SCGB1D2: variants seen among roughly 807,000 people sequenced by gnomAD.
The protein encoded by SCGB1D2 is secretoglobin family 1D member 2.
SCGB1D2 carries 10 observed loss-of-function variants against 10.5 expected under a neutral mutation model. The observed-to-expected ratio is 0.95, with a 90% CI of 0.59 to 1.61. The LOEUF (loss-of-function observed/expected upper bound fraction) is 1.61. SCGB1D2 is among the 40% of genes most tolerant of loss of function. The probability of loss-of-function intolerance (pLI) is 0.00; values close to 1 mark genes in which losing one functional copy is unlikely to be tolerated. For missense variants in SCGB1D2, 113 were observed against 103.8 expected, an observed-to-expected ratio of 1.09 and a Z score of -0.38; for synonymous variants, 42 against 42.8, an observed-to-expected ratio of 0.98 and a Z score of 0.08.
At position 62,242,245 on chromosome 11, in the gene SCGB1D2, C is replaced by T. The variant is rs1182976172; in HGVS notation, c.-63C>T. The T allele has an allele frequency of 1.9e-6, 3 of 1,578,474 alleles. No homozygotes were observed. The highest frequency in any genetic ancestry group is 4.5e-5 in the East Asian group (2 of 44,644). ...CTGGGCTCTGCAGCTCCACAGGCTC[C>T]TGGGGTGGAGTCCAAATCACTCATT... On this transcript the variant is annotated 5_prime_UTR_variant, in exon 1 of 3. Transcript: ENST00000244926.
In SCGB1D2 at chr11:62,242,884, TTGAG is replaced by T. The variant is rs566574174; in HGVS notation, c.56-403_56-400del. On this transcript the variant is annotated intron_variant, in intron 1 of 2. Coordinates refer to ENST00000244926, the MANE Select transcript of SCGB1D2 (RefSeq NM_006551.4). ...GAGTGAATTGCTTGAGCTCAGGAGT[TTGAG>T]TCCGGCCTAGGCAACGTGGCGAAAC... is the stretch of plus-strand genomic sequence containing the variant. 8.2e-4 allele frequency among the ~76,000 whole-genome samples: 125 copies of T among 152,306 alleles called. 1 individual carries two copies. Among genetic ancestry groups the T allele is most frequent in the Admixed American group, 7.8e-3 (119 of 15,298 alleles).
chr11:62,242,378 A>G lies in SCGB1D2; in HGVS notation c.55+16A>G. On this transcript the variant is annotated intron_variant, in intron 1 of 2. Transcript: ENST00000244926. ...TGCTACCAGGGTGAGTACATCAGTC[A>G]TGAGTCTAGCTCCAGCCCCTGGGAA... 6.2e-7 allele frequency: 1 copy of G among 1,613,728 alleles called. No individual in the cohort carries two copies. Among genetic ancestry groups the G allele is most frequent in the Non-Finnish European group, 8.5e-7 (1 of 1,179,660 alleles).
In SCGB1D2 at chr11:62,243,387, C is replaced by T. The variant is rs758800861; in HGVS notation, c.154C>T (p.Pro52Ser). 3 of 1,613,990 alleles carry T rather than the reference C, an allele frequency of 1.9e-6. No individual in the cohort carries two copies. The highest frequency in any genetic ancestry group is 2.2e-5 in the South Asian group (2 of 91,070). ...GTTAAGTCTTGCCAAATTTGATGCC[C>T]CTCCGGAAGCTGTTGCAGCCAAGTT... ...FKLSLAKFDAPPEAVAAKLGV... is the reference protein window; with the variant it reads ...FKLSLAKFDASPEAVAAKLGV... Residue 52 changes from proline (P) to serine (S), a missense_variant, in exon 2 of 3, where the codon CCT (proline) becomes TCT (serine). By Grantham distance (74) the Pro-to-Ser change is moderately conservative (BLOSUM62 -1). Coordinates refer to ENST00000244926, the MANE Select transcript of SCGB1D2 (RefSeq NM_006551.4).
At chr11:62,242,858 A>G (rs1190653534) in intron 1 of SCGB1D2, among the ~76,000 whole-genome samples, 1 of 152,198 alleles carries the variant, frequency 6.6e-6, no homozygotes, top group Non-Finnish European at 1.5e-5. Flanking sequence ...AAGGTCAAGG[A>G]GAGTGAATTG....
intron 2 of SCGB1D2, 25 bp downstream of exon 2, chr11:62,243,501 T>C: frequency 6.3e-7 from 1 of 1,592,468 alleles, no homozygotes; most frequent in Non-Finnish European, 8.6e-7. Context: ...CTTTATTTGT[T>C]AAGGCTTCTG....
At position 62,244,796 on chromosome 11, in the gene SCGB1D2, C is replaced by A; in HGVS notation, c.*97C>A. 1.9e-6 allele frequency: 2 copies of A among 1,068,190 alleles called. No individual in the cohort carries two copies. The highest frequency in any genetic ancestry group is 2.9e-6 in the Non-Finnish European group (2 of 697,996). The allele number at this position is 1,068,190 out of a possible 1,614,324, so 66.2% of individuals were successfully genotyped here. A position where few individuals can be genotyped will look rare whatever the true frequency, so the allele number is the denominator to read the frequency against. Reference sequence around the variant, plus strand: ...GTTTCAACGTCTTGCTTTAATAAATCACTTGCTCTCCACGTCTCCACTGGT... The same window carrying A: ...GTTTCAACGTCTTGCTTTAATAAATAACTTGCTCTCCACGTCTCCACTGGT... On this transcript the variant is annotated 3_prime_UTR_variant, in exon 3 of 3. Transcript: ENST00000244926.
intron 1 of SCGB1D2, among the ~76,000 whole-genome samples, chr11:62,242,700 C>T (rs923724711): frequency 2.0e-5 from 3 of 152,212 alleles, no homozygotes; most frequent in African/African-American, 7.2e-5. Flanking sequence ...GCACAATGCT[C>T]ACCCTCCCTG....
intron 1 of SCGB1D2, among the ~76,000 whole-genome samples, chr11:62,242,595 T>C (rs1945072241): frequency 6.6e-6 from 1 of 152,356 alleles, no homozygotes; most frequent in South Asian, 2.1e-4. Flanking sequence ...TTCTTCTGCC[T>C]GAGCTTCACT....
Position 62,242,259 on chromosome 11 carries a change from A to T in SCGB1D2, c.-49A>T, listed in dbSNP as rs755825022. On this transcript the variant is annotated 5_prime_UTR_variant, in exon 1 of 3. Transcript: ENST00000244926. ...TCCACAGGCTCCTGGGGTGGAGTCC[A>T]AATCACTCATTGTTTGTGAAAGCTG... 60 of 1,607,380 alleles carry T rather than the reference A, an allele frequency of 3.7e-5. No individual in the cohort carries two copies. Among genetic ancestry groups the T allele is most frequent in the Non-Finnish European group, 5.1e-5 (60 of 1,174,348 alleles).
chr11:62,244,040 T>C (rs939307806), intron 2 of SCGB1D2, among the ~76,000 whole-genome samples: 7 of 152,120 alleles, frequency 4.6e-5, no homozygotes, highest in Non-Finnish European at 7.4e-5. Context: ...CTCCTGACCA[T>C]GGCCAGTCGT....
Position 62,244,670 on chromosome 11 carries a change from G to A in SCGB1D2, c.244G>A (p.Val82Met). 6.2e-7 allele frequency: 1 copy of A among 1,612,612 alleles called. No homozygotes were observed. Among genetic ancestry groups the A allele is most frequent in the Non-Finnish European group, 8.5e-7 (1 of 1,179,252 alleles). ...CTTCTTTTTTCTTTTCCTATTTTAGGTGAAAATATTGAAGAAATGTAGTGT... is the reference window on the plus strand; with the variant it reads ...CTTCTTTTTTCTTTTCCTATTTTAGATGAAAATATTGAAGAAATGTAGTGT... ...QKRSLIAEVL[V>M]KILKKCSV The change falls in exon 3 of 3, where the codon GTG becomes ATG. Residue 82 changes from valine to methionine, a missense_variant and splice_region_variant. By Grantham distance (21) the Val-to-Met change is conservative. Transcript: ENST00000244926.
At chr11:62,243,863 GA>G (rs1945086575) in intron 2 of SCGB1D2, among the ~76,000 whole-genome samples, 1 of 152,158 alleles carries the variant, frequency 6.6e-6, no homozygotes, top group African/African-American at 2.4e-5. Context: ...ATGTCCTGGG[GA>G]GCATGGGAGC....
rs2232954 is a variant in SCGB1D2 at position 62,244,771 on chromosome 11, G to A, written c.*72G>A. The A allele has an allele frequency of 7.3e-3, 9,405 of 1,291,368 alleles. 488 individuals are homozygous for A. In the African/African-American group the frequency reaches 0.12, roughly 16 times the overall value. 80.0% of individuals were successfully genotyped at this position (1,291,368 alleles called of 1,614,324 possible). ...CTGATCTTCACTGCAGAATGTAAAG[G>A]TTTCAACGTCTTGCTTTAATAAATC... On this transcript the variant is annotated 3_prime_UTR_variant, in exon 3 of 3. Transcript: ENST00000244926.
Position 62,243,308 on chromosome 11 carries a change from A to C in SCGB1D2, c.75A>C (p.Pro25=), listed in dbSNP as rs1203963239. The C allele has an allele frequency of 3.1e-6, 5 of 1,613,642 alleles. No homozygotes were observed. The highest frequency in any genetic ancestry group is 4.2e-6 in the Non-Finnish European group (5 of 1,179,710). The change falls in exon 2 of 3, where the codon CCA becomes CCC. Residue 25 remains proline (P), a synonymous_variant. Coordinates refer to ENST00000244926, the MANE Select transcript of SCGB1D2 (RefSeq NM_006551.4). Reference sequence around the variant, plus strand: ...CTGCAGCCAATGCCGAGTTCTGCCCAGCTCTTGTTTCTGAGCTGTTAGACT... The same window carrying C: ...CTGCAGCCAATGCCGAGTTCTGCCCCGCTCTTGTTTCTGAGCTGTTAGACT... The part of the protein sequence containing the change: ...CCYQANAEFC[P]ALVSELLDFF...
At position 62,242,361 on chromosome 11, in the gene SCGB1D2, G is replaced by A. The variant is rs1192519511; in HGVS notation, c.54G>A (p.Gln18=). Residue 18 remains glutamine, a splice_region_variant and synonymous_variant, in exon 1 of 3, where the codon CAG becomes CAA. Coordinates refer to ENST00000244926, the MANE Select transcript of SCGB1D2 (RefSeq NM_006551.4). ...LLVTLALCCY[Q]ANAEFCPALV... ...TCACGCTGGCCCTCTGCTGCTACCA[G>A]GGTGAGTACATCAGTCATGAGTCTA... 1 of 1,613,950 alleles carries A rather than the reference G, an allele frequency of 6.2e-7. No homozygotes were observed.
Position 62,244,746 on chromosome 11 carries a change from C to G in SCGB1D2, c.*47C>G, listed in dbSNP as rs1324296134. The G allele has an allele frequency of 6.9e-7, 1 of 1,456,078 alleles. No homozygotes were observed. The highest frequency in any genetic ancestry group is 1.7e-5 in the Admixed American group (1 of 59,188). The allele number at this position is 1,456,078 out of a possible 1,614,324, so 90.2% of individuals were successfully genotyped here. A position where few individuals can be genotyped will look rare whatever the true frequency, so the allele number is the denominator to read the frequency against. ...GTTTCCACTGTCTTTCAATGACACC[C>G]TGATCTTCACTGCAGAATGTAAAGG... On this transcript the variant is annotated 3_prime_UTR_variant, in exon 3 of 3. Transcript: ENST00000244926.
At chr11:62,243,197 AC>A in intron 1 of SCGB1D2, 91 bp from the exon 2 acceptor site, 1 of 999,676 alleles carries the variant, frequency 1.0e-6, no homozygotes, top group Non-Finnish European at 1.5e-6. Context: ...TGAACATATA[AC>A]CCAGGGGATC....
intron 1 of SCGB1D2, among the ~76,000 whole-genome samples, chr11:62,242,627 A>G (rs952682789): frequency 7.9e-5 from 12 of 152,172 alleles, no homozygotes; most frequent in African/African-American, 2.7e-4. Flanking sequence ...TCTGTGTCAG[A>G]TGATGTAATG....
intron 1 of SCGB1D2, 45 bp downstream of exon 1, chr11:62,242,407 C>T: frequency 6.2e-7 from 1 of 1,600,456 alleles, no homozygotes; most frequent in Non-Finnish European, 8.6e-7. Flanking sequence ...CTGGGAAGCA[C>T]CCTCTTCCAA....
Sources: gnomAD v4.1 joint callset for allele counts (sites outside exome capture counted in the v4.1 genomes callset) on GRCh38, gnomAD v4.1.1 for gene constraint, MANE v1.5 for transcripts, NCBI Gene and HGNC (gene_info 2026-07-23, HGNC 2026-07-21) for gene names.